Variants in ACE observed in about 807,000 individuals in gnomAD.
ACE encodes angiotensin-converting enzyme.
A neutral mutation model predicts 162.3 loss-of-function variants in ACE; 122 were observed. The ratio of observed to expected loss-of-function variants is 0.75; its 90% confidence interval spans 0.65 to 0.87. The LOEUF (loss-of-function observed/expected upper bound fraction) is 0.87, where lower values mean the gene tolerates loss of function less well. ACE is among the 40% of genes least tolerant of loss of function. The probability of loss-of-function intolerance (pLI) is 0.00; values close to 1 mark genes in which losing one functional copy is unlikely to be tolerated. For missense variants in ACE, 1,799 were observed against 1,735.1 expected (o/e 1.04, Z -0.65); for synonymous variants, 796 against 720.6 (o/e 1.10, Z -1.68).
At chr17:63,481,933 A>T (rs1213863831) in intron 7 of ACE, among the ~76,000 whole-genome samples, 195 bp downstream of exon 7, 6 of 152,130 alleles carry the variant, frequency 3.9e-5, no homozygotes, top group Non-Finnish European at 2.9e-5. Flanking sequence ...AGCTTTGACA[A>T]ATAGTCACTT....
chr17:63,481,494 G>A, intron 6 of ACE, 72 bp from the exon 7 acceptor site: 4 of 1,560,024 alleles, frequency 2.6e-6, no homozygotes, highest in Non-Finnish European at 3.5e-6. Flanking sequence ...GACCCGAGAT[G>A]GGGACCCCAG....
intron 12 of ACE, 134 bp from the exon 13 acceptor site, chr17:63,485,102 G>A (rs755619912): frequency 2.5e-6 from 4 of 1,592,224 alleles, no homozygotes; most frequent in Non-Finnish European, 3.4e-6. Context: ...GGTGCCAGGG[G>A]TGGGAGAGGC....
In ACE at chr17:63,483,568, C is replaced by CGGGGGGGGCGG; in HGVS notation, c.1586+10_1586+11insGGGGGGGGCGG. 1 of 1,585,836 alleles carries CGGGGGGGGCGG rather than the reference C, an allele frequency of 6.3e-7. No individual in the cohort carries two copies. Among genetic ancestry groups the CGGGGGGGGCGG allele is most frequent in the Non-Finnish European group, 8.6e-7 (1 of 1,159,944 alleles). Reference sequence around the variant, plus strand: ...TGACACCATACATCAGGTATTAGCGCCCCCACCCCACCCACCCCCAGTACT... The same window carrying CGGGGGGGGCGG: ...TGACACCATACATCAGGTATTAGCGCGGGGGGGGCGGCCCCACCCCACCCACCCCCAGTACT... On this transcript the variant is annotated intron_variant, in intron 10 of 24. Coordinates refer to ENST00000290866, the MANE Select transcript of ACE (RefSeq NM_000789.4).
In ACE at chr17:63,497,214, G is replaced by T. The variant is rs759857038; in HGVS notation, c.3769G>T (p.Val1257Leu). 7.5e-6 allele frequency: 12 copies of T among 1,597,192 alleles called. No homozygotes were observed. The highest frequency in any genetic ancestry group is 1.7e-5 in the Admixed American group (1 of 58,584). The change falls in exon 25 of 25, where the codon GTG becomes TTG. Residue 1257 changes from valine to leucine, a missense_variant. Physicochemically the swap from Val to Leu is conservative, Grantham distance 32. Coordinates refer to ENST00000290866, the MANE Select transcript of ACE (RefSeq NM_000789.4). ...GLDLDAQQAR[V>L]GQWLLLFLGI... ...GGACCTGGATGCGCAGCAGGCCCGC[G>T]TGGGCCAGTGGCTGCTGCTCTTCCT...
chr17:63,496,413 ATCCAGT>A lies in ACE; in HGVS notation c.3411_3416del (p.Gln1137_Phe1138del). On this transcript the variant is annotated inframe_deletion, in exon 23 of 25. Coordinates refer to ENST00000290866, the MANE Select transcript of ACE (RefSeq NM_000789.4). ...CTCCAGGTACTTTGTCAGCTTCATC[ATCCAGT>A]TCCAGTTCCACGAGGCACTGTGCCA... 1 of 1,614,146 alleles carries A rather than the reference ATCCAGT, an allele frequency of 6.2e-7. No individual in the cohort carries two copies. Among genetic ancestry groups the A allele is most frequent in the Non-Finnish European group, 8.5e-7 (1 of 1,180,004 alleles).
rs4975 is a variant in ACE at position 63,489,041 on chromosome 17, C to G, written c.2550C>G (p.Leu850=). Residue 850 remains leucine (L), a synonymous_variant, in exon 17 of 25, where the codon CTC becomes CTG. Transcript: ENST00000290866. ...RLFQELQPLY[L]NLHAYVRRAL... ...TCCAGGAGCTGCAGCCACTCTACCTCAACCTGCATGCCTACGTGCGCCGGG... is the reference window on the plus strand; with the variant it reads ...TCCAGGAGCTGCAGCCACTCTACCTGAACCTGCATGCCTACGTGCGCCGGG... 1,669 of 1,614,160 alleles carry G rather than the reference C, an allele frequency of 1.0e-3. 18 individuals carry two copies. In the African/African-American group the frequency reaches 0.02, roughly 19 times the overall value.
chr17:63,484,612 G>A lies in ACE; in HGVS notation c.1921+71G>A. The stretch of plus-strand genomic sequence containing the variant: ...ACTCTGGGCTTGGCCCAGGCCCCAG[G>A]TTCCTGGTCAGCTCCTACCAGCTGA... On this transcript the variant is annotated intron_variant, in intron 12 of 24. Transcript: ENST00000290866. The surrounding 1 kb of genome is among the most constrained non-coding windows in gnomAD (Gnocchi z 4.0). 1 of 1,525,886 alleles carries A rather than the reference G, an allele frequency of 6.6e-7. No individual in the cohort carries two copies. Among genetic ancestry groups the A allele is most frequent in the Non-Finnish European group, 8.8e-7 (1 of 1,133,418 alleles). The allele number at this position is 1,525,886 out of a possible 1,614,324, so 94.5% of individuals were successfully genotyped here.
rs775651126 is a variant in ACE, at chr17:63,488,522, T to G, written c.2306-126T>G. The G allele has an allele frequency of 4.2e-5, 15 of 361,130 alleles. 4 individuals are homozygous for G. Among genetic ancestry groups the G allele is most frequent in the Admixed American group, 2.3e-4 (3 of 13,140 alleles). The allele number at this position is 361,130 out of a possible 1,614,324, so 22.4% of individuals were successfully genotyped here. A position where few individuals can be genotyped will look rare whatever the true frequency, so the allele number is the denominator to read the frequency against. Reference sequence around the variant, plus strand: ...ATCCTTTCTCCCATTTCTCTAGACCTGCTGCCTATACAGTCACTTTTATGT... The same window carrying G: ...ATCCTTTCTCCCATTTCTCTAGACCGGCTGCCTATACAGTCACTTTTATGT... On this transcript the variant is annotated intron_variant, in intron 15 of 24. Coordinates refer to ENST00000290866, the MANE Select transcript of ACE (RefSeq NM_000789.4).
At chr17:63,481,866 C>A in intron 7 of ACE, 128 bp downstream of exon 7, 1 of 1,264,196 alleles carries the variant, frequency 7.9e-7, no homozygotes, top group Non-Finnish European at 1.1e-6. Context: ...TGGTTGGAGG[C>A]TGGGTCTGTT....
chr17:63,477,318 T>A lies in ACE; in HGVS notation c.224T>A (p.Ile75Asn), dbSNP rs2049633221. The A allele has an allele frequency of 7.5e-7, 1 of 1,330,860 alleles. No homozygotes were observed. The highest frequency in any genetic ancestry group is 9.7e-7 in the Non-Finnish European group (1 of 1,026,280). 82.4% of individuals were successfully genotyped at this position (1,330,860 alleles called of 1,614,324 possible). Residue 75 changes from isoleucine (I) to asparagine (N), a missense_variant, in exon 1 of 25, where the codon ATC becomes AAC. By Grantham distance (149) the Ile-to-Asn change is moderately radical. Coordinates refer to ENST00000290866, the MANE Select transcript of ACE (RefSeq NM_000789.4). ...VAASWAHDTN[I>N]TAENARRQEE... The stretch of plus-strand genomic sequence containing the variant: ...GCCAGCTGGGCGCACGACACCAACA[T>A]CACCGCGGAGAATGCAAGGCGCCAG...
Position 63,482,645 on chromosome 17 carries a change from A to G in ACE, c.1298A>G (p.His433Arg), listed in dbSNP as rs763905584. ...GCGCTCTCGGTCTCCACTCCTGAAC[A>G]TCTGCACAAAATCGGCCTGCTGGAC... is the stretch of plus-strand genomic sequence containing the variant. ...VLALSVSTPE[H>R]LHKIGLLDRV... is the part of the protein sequence containing the mutation. Residue 433 changes from histidine (H) to arginine (R), a missense_variant, in exon 8 of 25, where the codon CAT (histidine) becomes CGT (arginine). Transcript: ENST00000290866. The G allele has an allele frequency of 3.7e-6, 6 of 1,613,902 alleles. No homozygotes were observed. In the Middle Eastern group the frequency reaches 4.9e-4, roughly 133 times the overall value.
rs1432647032 is a variant in ACE, at chr17:63,483,991, G to A, written c.1709+20G>A. On this transcript the variant is annotated intron_variant, in intron 11 of 24. Coordinates refer to ENST00000290866, the MANE Select transcript of ACE (RefSeq NM_000789.4). ...GCTCCGGTGTGTGGTGGGAAGCCGG[G>A]GGAAGTGGGAGGCAGAGAGGAGCGG... is the stretch of plus-strand genomic sequence containing the variant. The A allele has an allele frequency of 6.2e-7, 1 of 1,606,502 alleles. No individual in the cohort carries two copies. Among genetic ancestry groups the A allele is most frequent in the Non-Finnish European group, 8.5e-7 (1 of 1,176,836 alleles).
In ACE at chr17:63,483,117, G is replaced by C; in HGVS notation, c.1431G>C (p.Gly477=). Residue 477 remains glycine (G), a synonymous_variant, in exon 9 of 25, where the codon GGG becomes GGC. Coordinates refer to ENST00000290866, the MANE Select transcript of ACE (RefSeq NM_000789.4). The part of the protein sequence containing the change: ...FGYLVDQWRW[G]VFSGRTPPSR... ...ACTTGGTGGACCAGTGGCGCTGGGG[G>C]GTCTTTAGTGGGCGTACCCCCCCTT... The C allele has an allele frequency of 6.2e-7, 1 of 1,614,130 alleles. No individual in the cohort carries two copies. The highest frequency in any genetic ancestry group is 2.2e-5 in the East Asian group (1 of 44,872).
In ACE at chr17:63,479,865, T is replaced by C. The variant is rs1175840645; in HGVS notation, c.608T>C (p.Leu203Pro). ...GCTGCGGGCATCCCGCTGAAACCGC[T>C]GTACGAGGATTTCACTGCCCTCAGC... ...HNAAGIPLKP[L>P]YEDFTALSNE... is the part of the protein sequence containing the mutation. The change falls in exon 4 of 25, where the codon CTG becomes CCG. Residue 203 changes from leucine to proline, a missense_variant. By Grantham distance (98) the Leu-to-Pro change is moderately conservative (BLOSUM62 -3). Coordinates refer to ENST00000290866, the MANE Select transcript of ACE (RefSeq NM_000789.4). 3 of 1,612,734 alleles carry C rather than the reference T, an allele frequency of 1.9e-6. No individual in the cohort carries two copies. Among genetic ancestry groups the C allele is most frequent in the East Asian group, 2.2e-5 (1 of 44,900 alleles).
intron 23 of ACE, 107 bp from the exon 24 acceptor site, chr17:63,496,691 C>T: frequency 1.3e-6 from 2 of 1,581,732 alleles, no homozygotes; most frequent in South Asian, 2.2e-5. Flanking sequence ...AGCCCTGGGG[C>T]CCTGGGACAA....
Position 63,497,635 on chromosome 17 carries a change from C to A in ACE, c.*269C>A. On this transcript the variant is annotated 3_prime_UTR_variant, in exon 25 of 25. Coordinates refer to ENST00000290866, the MANE Select transcript of ACE (RefSeq NM_000789.4). ...TGCCCTCCCCATCTGAGTCTGTGTC[C>A]CTCACAGGGAAGCCAGGGACAGGGA... 1 of 660,776 alleles carries A rather than the reference C, an allele frequency of 1.5e-6. No homozygotes were observed. The highest frequency in any genetic ancestry group is 2.8e-6 in the Non-Finnish European group (1 of 359,906). 40.9% of individuals were successfully genotyped at this position (660,776 alleles called of 1,614,324 possible). A position where few individuals can be genotyped will look rare whatever the true frequency, so the allele number is the denominator to read the frequency against.
At chr17:63,478,502 CAA>C in intron 2 of ACE, 2 of 268,858 alleles carry the variant, frequency 7.4e-6, no homozygotes, top group Non-Finnish European at 1.5e-5. Flanking sequence ...CTCGTCTCTA[CAA>C]AAAAAAAATA....
In ACE at chr17:63,482,602, G is replaced by T. The variant is rs1311367540; in HGVS notation, c.1255G>T (p.Ala419Ser). Residue 419 changes from alanine (A) to serine (S), a missense_variant, in exon 8 of 25, where the codon GCC (alanine) becomes TCC (serine). Physicochemically the swap from Ala to Ser is moderately conservative, Grantham distance 99. Coordinates refer to ENST00000290866, the MANE Select transcript of ACE (RefSeq NM_000789.4). ...GGGGGCCAACCCCGGCTTCCATGAG[G>T]CCATTGGGGACGTGCTGGCGCTCTC... Reference protein sequence around the residue: ...RRGANPGFHEAIGDVLALSVS... With the variant: ...RRGANPGFHESIGDVLALSVS... 1 of 1,614,010 alleles carries T rather than the reference G, an allele frequency of 6.2e-7. No homozygotes were observed. The highest frequency in any genetic ancestry group is 1.3e-5 in the African/African-American group (1 of 74,934).
Position 63,484,251 on chromosome 17 carries a change from CA to C in ACE, c.1710-78del. 6.7e-7 allele frequency: 1 copy of C among 1,483,182 alleles called. No individual in the cohort carries two copies. The highest frequency in any genetic ancestry group is 9.1e-7 in the Non-Finnish European group (1 of 1,094,952). The allele number at this position is 1,483,182 out of a possible 1,614,324, so 91.9% of individuals were successfully genotyped here. ...CAGTCCATTGGGGGGCGGAAGTGGC[CA>C]GGGGCATGTGGGCCGGGGTCCAGGA... On this transcript the variant is annotated intron_variant, in intron 11 of 24. Coordinates refer to ENST00000290866, the MANE Select transcript of ACE (RefSeq NM_000789.4). This position sits in a 1 kb window ranked among gnomAD's most constrained non-coding sequence, Gnocchi z 4.0.
Sources: allele counts gnomAD v4.1 joint callset (sites outside exome capture counted in the v4.1 genomes callset), GRCh38; gene constraint gnomAD v4.1.1; non-coding constraint Gnocchi (gnomAD v3.1); transcripts MANE v1.5; gene names NCBI Gene and HGNC (gene_info 2026-07-23, HGNC 2026-07-21).